The following DIAPH3 variants were observed in gnomAD, a reference collection of about 807,000 sequenced individuals.
The protein encoded by DIAPH3 is protein diaphanous homolog 3.
In DIAPH3, 117 loss-of-function variants were observed where a neutral mutation model predicts 144.3. That is an observed-to-expected ratio of 0.81 (90% CI 0.70 to 0.95). DIAPH3 has a LOEUF of 0.95. Ranked by LOEUF, DIAPH3 falls within the 40% of genes least tolerant of loss-of-function variation. The pLI, the probability that DIAPH3 is intolerant of heterozygous loss-of-function variation, is 0.00. For missense variants in DIAPH3, 1,421 were observed against 1,412.7 expected (o/e 1.01, Z -0.09); for synonymous variants, 519 against 488.9 (o/e 1.06, Z -0.81).
At chr13:60,044,148 G>A (rs1227945307) in intron 4 of DIAPH3, 1 of 152,100 alleles carries the variant, frequency 6.6e-6, no homozygotes, top group Non-Finnish European at 1.5e-5. Flanking sequence ...AAATGATGAG[G>A]ATGGTGAACT....
chr13:59,905,452 A>G (rs899170868), intron 20 of DIAPH3, among the ~76,000 whole-genome samples: 1 of 152,032 alleles, frequency 6.6e-6, no homozygotes, highest in African/African-American at 2.4e-5. Context: ...AGCAATTCAA[A>G]GACTAAGTAT....
chr13:60,027,160 A>G (rs2054430436), intron 5 of DIAPH3, among the ~76,000 whole-genome samples: 1 of 152,232 alleles, frequency 6.6e-6, no homozygotes, highest in African/African-American at 2.4e-5. Flanking sequence ...ACTTAAAATG[A>G]ACAGTTCTAG....
chr13:59,979,310 T>G (rs1341587632), intron 14 of DIAPH3, among the ~76,000 whole-genome samples: 1 of 151,676 alleles, frequency 6.6e-6, no homozygotes, highest in Non-Finnish European at 1.5e-5. Flanking sequence ...TTATACTATC[T>G]GGGATGTATC....
intron 25 of DIAPH3, among the ~76,000 whole-genome samples, chr13:59,797,286 G>A (rs150991744): frequency 2.7e-3 from 408 of 152,204 alleles, no homozygotes; most frequent in Non-Finnish European, 4.5e-3. Flanking sequence ...CATGAGGGCC[G>A]GGACACTCGC....
chr13:60,053,904 C>A (rs1323355947), intron 4 of DIAPH3, among the ~76,000 whole-genome samples: 2 of 152,006 alleles, frequency 1.3e-5, no homozygotes, highest in Admixed American at 6.6e-5. Context: ...GATGATACAG[C>A]ATAATGCCAA....
At chr13:59,779,250 A>C (rs1193383968) in intron 25 of DIAPH3, among the ~76,000 whole-genome samples, 1 of 152,208 alleles carries the variant, frequency 6.6e-6, no homozygotes, top group African/African-American at 2.4e-5. Flanking sequence ...CTTTCAACTA[A>C]CTACCTGTGA....
chr13:59,763,232 GTA>G (rs1376896444), intron 27 of DIAPH3, among the ~76,000 whole-genome samples: 64 of 151,114 alleles, frequency 4.2e-4, no homozygotes, highest in South Asian at 1.5e-3. Context: ...ATACATGTGT[GTA>G]TATATATACA....
At chr13:60,023,813 G>T (rs2054190959) in intron 5 of DIAPH3, among the ~76,000 whole-genome samples, 1 of 147,134 alleles carries the variant, frequency 6.8e-6, no homozygotes, top group Non-Finnish European at 1.5e-5. Flanking sequence ...AGTTTAGGTA[G>T]GTTTATGTCT....
intron 27 of DIAPH3, among the ~76,000 whole-genome samples, chr13:59,670,659 T>G (rs969105012): frequency 6.6e-6 from 1 of 150,564 alleles, no homozygotes; most frequent in Non-Finnish European, 1.5e-5. Context: ...CTCGGCTCAC[T>G]GCAAGCTCCA....
chr13:59,774,750 T>C lies in DIAPH3; in HGVS notation c.3237A>G (p.Arg1079=). Residue 1079 remains arginine (R), a synonymous_variant, in exon 26 of 28, where the codon AGA becomes AGG. Coordinates refer to ENST00000400324, the MANE Select transcript of DIAPH3 (RefSeq NM_001042517.2). ...LQSGAAFRDR[R]KRTPMPKDVR... The stretch of plus-strand genomic sequence containing the variant: ...CACCTTTTGGCATCGGTGTCCTTTT[T>C]CTTCTGTCGCGGAAGGCAGCCCCGG... 1 of 1,614,166 alleles carries C rather than the reference T, an allele frequency of 6.2e-7. No homozygotes were observed. Among genetic ancestry groups the C allele is most frequent in the Non-Finnish European group, 8.5e-7 (1 of 1,180,010 alleles).
At chr13:59,709,489 A>G (rs1386196119) in intron 27 of DIAPH3, among the ~76,000 whole-genome samples, 1 of 152,230 alleles carries the variant, frequency 6.6e-6, no homozygotes, top group Non-Finnish European at 1.5e-5. Flanking sequence ...AAAACACATG[A>G]AAAAATGCTC....
At chr13:59,728,461 A>C (rs955155915) in intron 27 of DIAPH3, among the ~76,000 whole-genome samples, 1 of 152,128 alleles carries the variant, frequency 6.6e-6, no homozygotes, top group Non-Finnish European at 1.5e-5. Context: ...TAAGTTACAT[A>C]AAAAAGAAAA....
At chr13:59,854,230 T>C (rs188779853) in intron 22 of DIAPH3, among the ~76,000 whole-genome samples, 91 of 152,236 alleles carry the variant, frequency 6.0e-4, no homozygotes, top group South Asian at 2.1e-4. Context: ...GCATGGATGC[T>C]TCCTCCCCTG....
chr13:59,916,357 T>A, intron 18 of DIAPH3, 108 bp from the exon 19 acceptor site: 2 of 855,594 alleles, frequency 2.3e-6, no homozygotes, highest in Middle Eastern at 2.9e-4. Context: ...ACAAGAGAAT[T>A]CAAACATTTA....
At chr13:59,903,611 TA>T (rs60950452) in intron 20 of DIAPH3, among the ~76,000 whole-genome samples, 2,050 of 140,664 alleles carry the variant, frequency 0.015, 17 homozygotes, top group East Asian at 0.03. Flanking sequence ...TTCTATTCTT[TA>T]AAAAAAAAAA....
At chr13:60,139,065 T>A (rs1285608538) in intron 1 of DIAPH3, among the ~76,000 whole-genome samples, 1 of 152,154 alleles carries the variant, frequency 6.6e-6, no homozygotes, top group Non-Finnish European at 1.5e-5. Context: ...CTATGAAAAT[T>A]TAAAGTAATA....
intron 17 of DIAPH3, among the ~76,000 whole-genome samples, chr13:59,941,304 G>A (rs1282270152): frequency 2.0e-5 from 3 of 152,162 alleles, no homozygotes; most frequent in African/African-American, 7.2e-5. Context: ...ACATAGGGAA[G>A]ACACAAAAGC....
At chr13:59,879,176 C>T (rs1368514349) in intron 21 of DIAPH3, 53 bp downstream of exon 21, 6 of 1,611,332 alleles carry the variant, frequency 3.7e-6, no homozygotes, top group Non-Finnish European at 4.2e-6. Flanking sequence ...TCAGGGCTGA[C>T]ATTTAAGAGC....
chr13:60,052,814 A>G (rs563925789), intron 4 of DIAPH3, among the ~76,000 whole-genome samples: 1 of 151,840 alleles, frequency 6.6e-6, no homozygotes, highest in Non-Finnish European at 1.5e-5. Context: ...TACAAAAATT[A>G]GCCAGGTTTG....
Sources: allele counts gnomAD v4.1 joint callset (sites outside exome capture counted in the v4.1 genomes callset), GRCh38; gene constraint gnomAD v4.1.1; transcripts MANE v1.5; gene names NCBI Gene and HGNC (gene_info 2026-07-23, HGNC 2026-07-21).